Variants in TM9SF2 observed in about 807,000 individuals in gnomAD.
The protein encoded by TM9SF2 is transmembrane 9 superfamily member 2.
A neutral mutation model predicts 84.9 loss-of-function variants in TM9SF2; 13 were observed. That is an observed-to-expected ratio of 0.15 (90% CI 0.10 to 0.24). The LOEUF (loss-of-function observed/expected upper bound fraction) is 0.24, where lower values mean the gene tolerates loss of function less well. Among genes scored for constraint, TM9SF2 ranks in the 10% least tolerant of loss-of-function variants. The probability of loss-of-function intolerance (pLI) is 1.00; values close to 1 mark genes in which losing one functional copy is unlikely to be tolerated. For synonymous variants in TM9SF2, 273 were observed against 285.8 expected, an observed-to-expected ratio of 0.96 and a Z score of 0.45; for missense variants, 562 against 818.5, an observed-to-expected ratio of 0.69 and a Z score of 3.82.
intron 4 of TM9SF2, among the ~76,000 whole-genome samples, chr13:99,534,363 A>T (rs1400046566): frequency 6.6e-6 from 1 of 152,172 alleles, no homozygotes; most frequent in African/African-American, 2.4e-5. Context: ...CCTAATGAAT[A>T]CTCCAAATGT....
chr13:99,557,979 C>G (rs78137313), intron 15 of TM9SF2, among the ~76,000 whole-genome samples: 3,812 of 152,262 alleles, frequency 0.025, 159 homozygotes, highest in African/African-American at 0.085. Flanking sequence ...AGTCATTGAT[C>G]TATTTTGAGT....
At chr13:99,506,247 T>C (rs978390110) in intron 1 of TM9SF2, among the ~76,000 whole-genome samples, 1 of 152,202 alleles carries the variant, frequency 6.6e-6, no homozygotes, top group East Asian at 1.9e-4. Flanking sequence ...CTGTTTTAAT[T>C]TGACCATAGA....
intron 16 of TM9SF2, among the ~76,000 whole-genome samples, chr13:99,561,992 A>G (rs774153945): frequency 6.6e-6 from 1 of 152,206 alleles, no homozygotes; most frequent in Non-Finnish European, 1.5e-5. Context: ...CATTGTTTTC[A>G]TGAATTATCT....
chr13:99,537,663 G>GC (rs1035924239), intron 5 of TM9SF2, 76 bp from the exon 6 acceptor site: 2 of 1,182,222 alleles, frequency 1.7e-6, no homozygotes, highest in African/African-American at 3.2e-5. Context: ...ACTTGTTGTA[G>GC]CCCATTTTAA....
intron 4 of TM9SF2, among the ~76,000 whole-genome samples, chr13:99,530,047 A>G (rs2046201444): frequency 6.6e-6 from 1 of 151,994 alleles, no homozygotes; most frequent in South Asian, 2.1e-4. Flanking sequence ...ACAACTCTGT[A>G]AGTACCTTAA....
At chr13:99,555,731 A>G in intron 15 of TM9SF2, 84 bp downstream of exon 15, 1 of 791,316 alleles carries the variant, frequency 1.3e-6, no homozygotes, top group Non-Finnish European at 2.0e-6. Flanking sequence ...AATTAAAATA[A>G]TTTCTGTAGA....
intron 1 of TM9SF2, among the ~76,000 whole-genome samples, chr13:99,504,295 A>G (rs2046079733): frequency 6.6e-6 from 1 of 152,214 alleles, no homozygotes; most frequent in African/African-American, 2.4e-5. Flanking sequence ...AATTTTTTCC[A>G]AAAGATGCTG....
At position 99,512,834 on chromosome 13, in the gene TM9SF2, G is replaced by T. The variant is rs187901371; in HGVS notation, c.172-4780G>T. Among the ~76,000 whole-genome samples, 681 of 152,348 alleles carry T rather than the reference G, an allele frequency of 4.5e-3. 3 individuals are homozygous for T. The highest frequency in any genetic ancestry group is 0.014 in the Middle Eastern group (4 of 294). ...AGGTGGAGTGAGAGAAATCCATGGG[G>T]AGTGCTGACAGTGGAGATTTCCAGG... is the stretch of plus-strand genomic sequence containing the variant. On this transcript the variant is annotated intron_variant, in intron 1 of 16. Transcript: ENST00000376387.
At chr13:99,504,094 T>G (rs2046078931) in intron 1 of TM9SF2, among the ~76,000 whole-genome samples, 1 of 152,244 alleles carries the variant, frequency 6.6e-6, no homozygotes. Flanking sequence ...AATATTTATT[T>G]TCTTTGCCTT....
rs150548365 is a variant in TM9SF2 at position 99,562,709 on chromosome 13, C to T, written c.1943C>T (p.Ala648Val). ...FLFTGTIGFF[A>V]CFWFVTKIYS... The stretch of plus-strand genomic sequence containing the variant: ...CTTATAGGAACAATTGGCTTCTTTG[C>T]ATGCTTTTGGTTTGTTACCAAAATA... Residue 648 changes from alanine (A) to valine (V), a missense_variant, in exon 17 of 17, where the codon GCA becomes GTA. Coordinates refer to ENST00000376387, the MANE Select transcript of TM9SF2 (RefSeq NM_004800.3). 5.6e-6 allele frequency: 9 copies of T among 1,613,064 alleles called. No individual in the cohort carries two copies. Among genetic ancestry groups the T allele is most frequent in the Non-Finnish European group, 7.6e-6 (9 of 1,179,608 alleles).
chr13:99,533,819 C>T (rs1230667226), intron 4 of TM9SF2, among the ~76,000 whole-genome samples: 2 of 152,030 alleles, frequency 1.3e-5, no homozygotes, highest in Admixed American at 6.6e-5. Flanking sequence ...TGCAGGTGCC[C>T]GCCACCACGC....
chr13:99,544,293 A>C (rs1332086499), intron 10 of TM9SF2, among the ~76,000 whole-genome samples: 1 of 150,734 alleles, frequency 6.6e-6, no homozygotes, highest in African/African-American at 2.5e-5. Context: ...TAGTGAACTG[A>C]GATTGCGCCA....
At chr13:99,517,326 G>A (rs2046139115) in intron 1 of TM9SF2, among the ~76,000 whole-genome samples, 2 of 152,100 alleles carry the variant, frequency 1.3e-5, no homozygotes, top group South Asian at 2.1e-4. Flanking sequence ...GGGTCTCGCT[G>A]TATTGCCCGG....
intron 15 of TM9SF2, among the ~76,000 whole-genome samples, chr13:99,557,876 C>T (rs1015582977): frequency 1.4e-5 from 2 of 146,030 alleles, no homozygotes; most frequent in African/African-American, 5.0e-5. Flanking sequence ...ACCCCACCCC[C>T]GACCAAAAAA....
rs766138037 is a variant in TM9SF2, at chr13:99,562,682, C to T, written c.1925-9C>T. On this transcript the variant is annotated splice_polypyrimidine_tract_variant and intron_variant, in intron 16 of 16. Coordinates refer to ENST00000376387, the MANE Select transcript of TM9SF2 (RefSeq NM_004800.3). ...GAAAAGGGGTTTATTTTTATTTTTTCTCTTATAGGAACAATTGGCTTCTTT... is the reference window on the plus strand; with the variant it reads ...GAAAAGGGGTTTATTTTTATTTTTTTTCTTATAGGAACAATTGGCTTCTTT... The T allele has an allele frequency of 6.2e-7, 1 of 1,609,708 alleles. No individual in the cohort carries two copies. Among genetic ancestry groups the T allele is most frequent in the Non-Finnish European group, 8.5e-7 (1 of 1,178,450 alleles).
chr13:99,548,038 G>A (rs1018198824), intron 11 of TM9SF2, among the ~76,000 whole-genome samples: 1 of 152,180 alleles, frequency 6.6e-6, no homozygotes, highest in Non-Finnish European at 1.5e-5. Flanking sequence ...TACTAAAGGA[G>A]GTAGGATTAG....
intron 1 of TM9SF2, among the ~76,000 whole-genome samples, chr13:99,514,024 A>G (rs2046124209): frequency 1.3e-5 from 2 of 152,210 alleles, no homozygotes; most frequent in African/African-American, 4.8e-5. Flanking sequence ...GCTAGAGGAA[A>G]AATGTTAAAT....
chr13:99,547,878 T>C (rs2046290204), intron 11 of TM9SF2, among the ~76,000 whole-genome samples: 3 of 152,318 alleles, frequency 2.0e-5, no homozygotes, highest in Admixed American at 2.0e-4. Flanking sequence ...ACAACCTTAA[T>C]GTGGGGTTGG....
chr13:99,548,057 T>C (rs530811242), intron 11 of TM9SF2, among the ~76,000 whole-genome samples: 1 of 152,298 alleles, frequency 6.6e-6, no homozygotes, highest in East Asian at 1.9e-4. Context: ...AGGGCCATCA[T>C]ACGGATTTTA....
Sources: allele counts gnomAD v4.1 joint callset (sites outside exome capture counted in the v4.1 genomes callset), GRCh38; gene constraint gnomAD v4.1.1; transcripts MANE v1.5; gene names NCBI Gene and HGNC (gene_info 2026-07-23, HGNC 2026-07-21).